The following FYB1 variants were observed in gnomAD, a reference collection of about 807,000 sequenced individuals.
FYB1 encodes the protein FYN-binding protein 1.
In FYB1, 41 loss-of-function variants were observed where a neutral mutation model predicts 94.1. The observed-to-expected ratio is 0.44, with a 90% CI of 0.34 to 0.57. The LOEUF is 0.57. Ranked by LOEUF, FYB1 falls within the 20% of genes least tolerant of loss-of-function variation. FYB1 has a pLI of 0.02. For synonymous variants in FYB1, 367 were observed against 353.2 expected (o/e 1.04, Z -0.44); for missense variants, 1,050 against 976.8 (o/e 1.07, Z -1.00).
At chr5:39,213,900 A>G (rs1561277326) in intron 1 of FYB1, among the ~76,000 whole-genome samples, 1 of 152,196 alleles carries the variant, frequency 6.6e-6, no homozygotes, top group African/African-American at 2.4e-5. Context: ...AGGGGCATAA[A>G]CAGATACTAC....
chr5:39,113,540 C>T (rs773101731), intron 16 of FYB1, among the ~76,000 whole-genome samples: 10 of 152,116 alleles, frequency 6.6e-5, no homozygotes, highest in Non-Finnish European at 1.3e-4. Flanking sequence ...TTGCTTGCTA[C>T]AGTGCAGATG....
chr5:39,114,384 T>C (rs930123923), intron 16 of FYB1, among the ~76,000 whole-genome samples: 10 of 152,210 alleles, frequency 6.6e-5, no homozygotes. Context: ...TGATCGAATG[T>C]GATAATGCCT....
chr5:39,183,753 A>G (rs1389902565), intron 2 of FYB1, among the ~76,000 whole-genome samples: 1 of 152,318 alleles, frequency 6.6e-6, no homozygotes, highest in East Asian at 1.9e-4. Context: ...TTGGGTTAAA[A>G]TGTTTCTATT....
At chr5:39,177,597 T>C (rs776101606) in intron 2 of FYB1, among the ~76,000 whole-genome samples, 1 of 152,222 alleles carries the variant, frequency 6.6e-6, no homozygotes, top group African/African-American at 2.4e-5. Context: ...TGTCATAGAA[T>C]CATTTAGAAT....
chr5:39,230,528 T>A (rs1336145223), intron 1 of FYB1, among the ~76,000 whole-genome samples: 1 of 152,006 alleles, frequency 6.6e-6, no homozygotes. Context: ...TCACAGCATA[T>A]ATATATGTAT....
At chr5:39,270,031 G>A (rs1437583165) in intron 1 of FYB1, among the ~76,000 whole-genome samples, 2 of 152,084 alleles carry the variant, frequency 1.3e-5, no homozygotes, top group African/African-American at 4.8e-5. Flanking sequence ...TCCAAATAAT[G>A]ACTTCCCATT....
chr5:39,226,367 G>A lies in FYB1; in HGVS notation c.-27-23380C>T, dbSNP rs112708286. Among the ~76,000 whole-genome samples, 253 of 150,938 alleles carry A rather than the reference G, an allele frequency of 1.7e-3. 3 individuals carry two copies. Among genetic ancestry groups the A allele is most frequent in the Middle Eastern group, 0.014 (4 of 294 alleles). On this transcript the variant is annotated intron_variant, in intron 1 of 1. Transcript: ENST00000510188. ...TCCTATGCTTAACTGGATGATATTT[G>A]CTTAAGCCTTTCACTAGCTTTCCAA... is the stretch of plus-strand genomic sequence containing the variant.
At chr5:39,200,808 T>C (rs1748243341) in intron 2 of FYB1, among the ~76,000 whole-genome samples, 1 of 152,196 alleles carries the variant, frequency 6.6e-6, no homozygotes, top group South Asian at 2.1e-4. Context: ...TAGACCATAC[T>C]TCGGTAAGGA....
intron 1 of FYB1, among the ~76,000 whole-genome samples, chr5:39,251,639 CT>C (rs148443314): frequency 1.1e-4 from 16 of 151,022 alleles, no homozygotes; most frequent in African/African-American, 2.7e-4. Flanking sequence ...TATACTAATC[CT>C]TTTTTTTTGA....
intron 3 of FYB1, among the ~76,000 whole-genome samples, chr5:39,145,998 T>C (rs1043412846): frequency 8.6e-5 from 13 of 151,936 alleles, no homozygotes; most frequent in African/African-American, 2.9e-4. Context: ...CTGCAACTTC[T>C]GTCTCCCGGG....
intron 3 of FYB1, among the ~76,000 whole-genome samples, chr5:39,150,308 G>A (rs1309811698): frequency 2.0e-5 from 3 of 152,024 alleles, no homozygotes; most frequent in Non-Finnish European, 4.4e-5. Context: ...AGACTGACCT[G>A]AAGTACCTGA....
intron 16 of FYB1, among the ~76,000 whole-genome samples, chr5:39,113,667 T>G (rs911073263): frequency 2.7e-5 from 4 of 149,478 alleles, no homozygotes; most frequent in South Asian, 2.1e-4. Flanking sequence ...ATTTTCAAAT[T>G]TTTTACTTAA....
rs556878481 is a variant in FYB1, at chr5:39,149,020, G to A, written c.1292+4428C>T. ...TTTGAACATTAAAAATGATAAACAT[G>A]CTCTTTTGACCCATTTCATTTTCTC... On this transcript the variant is annotated intron_variant, in intron 3 of 18. Coordinates refer to ENST00000512982, the MANE Select transcript of FYB1 (RefSeq NM_001465.6). Among the ~76,000 whole-genome samples the A allele has an allele frequency of 2.0e-5, 3 of 152,208 alleles. No individual in the cohort carries two copies. The South Asian group carries it at 6.2e-4, about 31-fold the overall frequency.
At position 39,122,416 on chromosome 5, in the gene FYB1, G is replaced by A. The variant is rs1448792495; in HGVS notation, c.2072-14C>T. 6.0e-6 allele frequency: 9 copies of A among 1,500,078 alleles called. No homozygotes were observed. The highest frequency in any genetic ancestry group is 8.2e-6 in the Non-Finnish European group (9 of 1,092,948). 92.9% of individuals were successfully genotyped at this position (1,500,078 alleles called of 1,614,324 possible). ...CATCTCCCATGTCTAACAAAAGACA[G>A]AATATCAAAGGTTGAAACACTGTTA... On this transcript the variant is annotated splice_polypyrimidine_tract_variant and intron_variant, in intron 13 of 18. Transcript: ENST00000512982.
intron 2 of FYB1, among the ~76,000 whole-genome samples, chr5:39,153,990 C>T (rs1264669153): frequency 6.6e-6 from 1 of 152,052 alleles, no homozygotes; most frequent in Non-Finnish European, 1.5e-5. Flanking sequence ...CTTGATATGT[C>T]ACCCAGGCTG....
At chr5:39,115,538 A>G (rs1470320675) in intron 16 of FYB1, among the ~76,000 whole-genome samples, 2 of 152,188 alleles carry the variant, frequency 1.3e-5, no homozygotes, top group Non-Finnish European at 2.9e-5. Context: ...TATTTTAAAA[A>G]ATAATATTTG....
intron 12 of FYB1, 153 bp from the exon 13 acceptor site, chr5:39,124,431 C>T (rs1372357528): frequency 1.4e-5 from 7 of 501,372 alleles, no homozygotes; most frequent in Non-Finnish European, 1.4e-5. Context: ...CTCCATTTCT[C>T]CACTAAGTCC....
At chr5:39,121,953 T>A (rs1740156749) in intron 14 of FYB1, among the ~76,000 whole-genome samples, 2 of 151,976 alleles carry the variant, frequency 1.3e-5, no homozygotes, top group Admixed American at 6.6e-5. Context: ...ACAGTATGAA[T>A]AAAGAGAGGA....
chr5:39,255,227 G>A (rs1751884504), intron 1 of FYB1, among the ~76,000 whole-genome samples: 1 of 152,066 alleles, frequency 6.6e-6, no homozygotes, highest in Non-Finnish European at 1.5e-5. Flanking sequence ...ATAGAAAATG[G>A]AGTTCCATAT....
Sources: allele counts gnomAD v4.1 joint callset (sites outside exome capture counted in the v4.1 genomes callset), GRCh38; gene constraint gnomAD v4.1.1; transcripts MANE v1.5; gene names NCBI Gene and HGNC (gene_info 2026-07-23, HGNC 2026-07-21).